WARS2: variants seen among roughly 807,000 people sequenced by gnomAD.
WARS2 encodes tryptophan--tRNA ligase, mitochondrial.
In WARS2, 28 loss-of-function variants were observed where a neutral mutation model predicts 36.5. The observed-to-expected ratio is 0.77, with a 90% CI of 0.57 to 1.05. The LOEUF is 1.05. Ranked by LOEUF, WARS2 falls within the 50% of genes least tolerant of loss-of-function variation. The pLI is 0.00. For synonymous variants in WARS2, 174 were observed against 178.4 expected, an observed-to-expected ratio of 0.98 and a Z score of 0.20; for missense variants, 435 against 456.8, an observed-to-expected ratio of 0.95 and a Z score of 0.44.
At chr1:119,098,543 T>C (rs996106065) in intron 1 of WARS2, among the ~76,000 whole-genome samples, 4 of 151,756 alleles carry the variant, frequency 2.6e-5, no homozygotes, top group Non-Finnish European at 5.9e-5. Context: ...GTTCAAGCGA[T>C]TCTCCTGCCT....
intron 4 of WARS2, among the ~76,000 whole-genome samples, chr1:119,038,098 CT>C (rs1172482247): frequency 6.6e-6 from 1 of 152,210 alleles, no homozygotes; most frequent in Non-Finnish European, 1.5e-5. Context: ...CATTCTCTCC[CT>C]TCTATGCTAC....
intron 2 of WARS2, among the ~76,000 whole-genome samples, chr1:119,051,669 GT>G (rs1483407015): frequency 6.6e-6 from 1 of 151,092 alleles, no homozygotes; most frequent in East Asian, 1.9e-4. Flanking sequence ...GTGTATAAGT[GT>G]TCCCTTTACT....
At chr1:119,113,552 G>C (rs1394897445) in intron 1 of WARS2, among the ~76,000 whole-genome samples, 4 of 152,090 alleles carry the variant, frequency 2.6e-5, no homozygotes, top group Non-Finnish European at 4.4e-5. Flanking sequence ...AAAAGTAAAA[G>C]ATAAATGTCC....
chr1:119,045,772 G>A, intron 2 of WARS2, 110 bp from the exon 3 acceptor site: 1 of 863,444 alleles, frequency 1.2e-6, no homozygotes, highest in Non-Finnish European at 1.9e-6. Flanking sequence ...CCAAATTAAG[G>A]TTATTATAAG....
At chr1:119,140,415 T>C (rs1656872167) in intron 1 of WARS2, 140 bp downstream of exon 1, 2 of 693,564 alleles carry the variant, frequency 2.9e-6, no homozygotes, top group East Asian at 2.9e-5. Flanking sequence ...AGGCCGACAG[T>C]CATAGACGAG....
chr1:119,058,577 C>T (rs1417141493), intron 2 of WARS2, among the ~76,000 whole-genome samples: 3 of 126,586 alleles, frequency 2.4e-5, no homozygotes, highest in African/African-American at 3.6e-5. Context: ...TTTGTTCTTG[C>T]GATAGTTTAC....
intron 1 of WARS2, among the ~76,000 whole-genome samples, chr1:119,079,827 T>G (rs587764015): frequency 6.6e-6 from 1 of 152,310 alleles, no homozygotes; most frequent in Admixed American, 6.5e-5. Flanking sequence ...TCTGAGGATA[T>G]GAAAAATATC....
chr1:119,101,907 T>A (rs1429971302), intron 1 of WARS2, among the ~76,000 whole-genome samples: 1 of 152,054 alleles, frequency 6.6e-6, no homozygotes, highest in African/African-American at 2.4e-5. Flanking sequence ...CCACTACCCT[T>A]TATCCTAAGA....
intron 1 of WARS2, among the ~76,000 whole-genome samples, chr1:119,118,533 C>T (rs1197255928): frequency 1.3e-5 from 2 of 152,094 alleles, no homozygotes; most frequent in East Asian, 3.8e-4. Context: ...TAAAACTTCC[C>T]TGGTCTTGCT....
intron 2 of WARS2, among the ~76,000 whole-genome samples, chr1:119,068,359 A>G (rs1651038433): frequency 6.6e-6 from 1 of 152,146 alleles, no homozygotes; most frequent in Non-Finnish European, 1.5e-5. Context: ...GTAAGCCAAG[A>G]TTTATGTAGT....
chr1:119,052,893 G>A (rs1649480983), intron 2 of WARS2, among the ~76,000 whole-genome samples: 2 of 152,200 alleles, frequency 1.3e-5, no homozygotes, highest in Admixed American at 6.5e-5. Context: ...CTGTTCTCAT[G>A]TCAGAAGGAA....
chr1:119,128,061 C>T (rs1023508336), intron 1 of WARS2, among the ~76,000 whole-genome samples: 1 of 151,896 alleles, frequency 6.6e-6, no homozygotes, highest in Non-Finnish European at 1.5e-5. Flanking sequence ...ACTGTAAATT[C>T]TTTTTTTTAA....
At chr1:119,117,877 G>T (rs148243392) in intron 1 of WARS2, among the ~76,000 whole-genome samples, 1 of 152,072 alleles carries the variant, frequency 6.6e-6, no homozygotes, top group Non-Finnish European at 1.5e-5. Context: ...CTAGAGAAAC[G>T]GGGAGAGCAT....
intron 1 of WARS2, among the ~76,000 whole-genome samples, chr1:119,119,463 G>A (rs1290571783): frequency 6.6e-6 from 1 of 151,938 alleles, no homozygotes; most frequent in South Asian, 2.1e-4. Flanking sequence ...AATAATAGTG[G>A]GGAACTTCAA....
intron 1 of WARS2, among the ~76,000 whole-genome samples, chr1:119,092,994 C>T (rs1388568568): frequency 6.6e-6 from 1 of 152,088 alleles, no homozygotes; most frequent in African/African-American, 2.4e-5. Context: ...ATTACCTGAA[C>T]CAGCATTTAA....
At chr1:119,038,139 A>T (rs1020017979) in intron 4 of WARS2, among the ~76,000 whole-genome samples, 1 of 152,190 alleles carries the variant, frequency 6.6e-6, no homozygotes, top group African/African-American at 2.4e-5. Context: ...GCAGCCTGGA[A>T]ACTACATTTT....
At chr1:119,099,575 G>A (rs899330701) in intron 1 of WARS2, among the ~76,000 whole-genome samples, 2 of 152,186 alleles carry the variant, frequency 1.3e-5, no homozygotes, top group Non-Finnish European at 2.9e-5. Context: ...GTCTTCAGCA[G>A]TAAGGAAGAA....
At chr1:119,121,186 T>A (rs949236954) in intron 1 of WARS2, among the ~76,000 whole-genome samples, 1 of 152,114 alleles carries the variant, frequency 6.6e-6, no homozygotes, top group Non-Finnish European at 1.5e-5. Context: ...AATAAATGAA[T>A]TCTGTAAAGT....
chr1:119,082,373 C>T, intron 1 of WARS2: 1 of 985,174 alleles, frequency 1.0e-6, no homozygotes, highest in Non-Finnish European at 1.2e-6. Flanking sequence ...TGCTTTTGCA[C>T]ATGTATTTTC....
Sources: allele counts gnomAD v4.1 joint callset (sites outside exome capture counted in the v4.1 genomes callset), GRCh38; gene constraint gnomAD v4.1.1; transcripts MANE v1.5; gene names NCBI Gene and HGNC (gene_info 2026-07-23, HGNC 2026-07-21).